The following FAM184B variants were observed in gnomAD, a reference collection of about 807,000 sequenced individuals.
FAM184B encodes protein FAM184B.
A neutral mutation model predicts 135.9 loss-of-function variants in FAM184B; 111 were observed. The ratio of observed to expected loss-of-function variants is 0.82; its 90% confidence interval spans 0.70 to 0.96. FAM184B has a LOEUF of 0.96. Among genes scored for constraint, FAM184B ranks in the 40% least tolerant of loss-of-function variants. The probability of loss-of-function intolerance (pLI) is 0.00; values close to 1 mark genes in which losing one functional copy is unlikely to be tolerated. For missense variants in FAM184B, 1,375 were observed against 1,323.9 expected (o/e 1.04, Z -0.60); for synonymous variants, 552 against 524.8 (o/e 1.05, Z -0.71).
In FAM184B at chr4:17,719,157, C is replaced by T. The variant is rs114256737; in HGVS notation, c.142-9513G>A. 6.3e-3 allele frequency among the ~76,000 whole-genome samples: 959 copies of T among 152,304 alleles called. 12 individuals carry two copies. The highest frequency in any genetic ancestry group is 0.021 in the African/African-American group (890 of 41,550). ...AAAATAGAACACTTATAACAATGTA[C>T]TAGCATCACTGCTCTTGAGCTTTGG... On this transcript the variant is annotated intron_variant, in intron 1 of 17. Transcript: ENST00000265018.
At chr4:17,668,327 T>C (rs1181150911) in intron 7 of FAM184B, among the ~76,000 whole-genome samples, 1 of 152,236 alleles carries the variant, frequency 6.6e-6, no homozygotes, top group Non-Finnish European at 1.5e-5. Flanking sequence ...TCTCATATCC[T>C]ATATCATTCT....
intron 1 of FAM184B, among the ~76,000 whole-genome samples, chr4:17,747,874 TTG>T (rs1280130696): frequency 7.6e-6 from 1 of 131,654 alleles, no homozygotes; most frequent in African/African-American, 2.9e-5. Context: ...TGAGCCGAGA[TTG>T]CGCCACTGCA....
At chr4:17,774,371 GACAA>G (rs113601675) in intron 1 of FAM184B, among the ~76,000 whole-genome samples, 11,750 of 151,934 alleles carry the variant, frequency 0.077, 943 homozygotes, top group African/African-American at 0.21. Context: ...CTGTCTCAAA[GACAA>G]ACAAACAAAC....
intron 14 of FAM184B, among the ~76,000 whole-genome samples, chr4:17,637,213 G>A (rs1401877335): frequency 6.6e-6 from 1 of 152,194 alleles, no homozygotes; most frequent in Non-Finnish European, 1.5e-5. Flanking sequence ...ATTTTTAGAG[G>A]AGACGGGGTT....
chr4:17,668,945 T>C (rs1413650460), intron 7 of FAM184B, among the ~76,000 whole-genome samples: 1 of 152,258 alleles, frequency 6.6e-6, no homozygotes, highest in Non-Finnish European at 1.5e-5. Context: ...TGCCTTGTAC[T>C]GTTATAGGAG....
chr4:17,658,835 G>A (rs976510858), intron 9 of FAM184B, among the ~76,000 whole-genome samples: 4 of 152,074 alleles, frequency 2.6e-5, no homozygotes, highest in African/African-American at 2.4e-5. Flanking sequence ...AGGGACCCAC[G>A]TGGCAGCCCC....
intron 1 of FAM184B, among the ~76,000 whole-genome samples, chr4:17,775,274 C>T (rs556333703): frequency 6.6e-6 from 1 of 152,230 alleles, no homozygotes; most frequent in East Asian, 1.9e-4. Context: ...CAACTTCTGC[C>T]TCTTGGGTTC....
At chr4:17,700,300 C>A (rs1056698475) in intron 5 of FAM184B, among the ~76,000 whole-genome samples, 5 of 152,170 alleles carry the variant, frequency 3.3e-5, no homozygotes, top group Admixed American at 1.3e-4. Context: ...AATAGAAAGA[C>A]ACAGGTTAAA....
intron 3 of FAM184B, among the ~76,000 whole-genome samples, chr4:17,707,142 G>A (rs950932545): frequency 6.6e-6 from 1 of 151,890 alleles, no homozygotes; most frequent in Non-Finnish European, 1.5e-5. Flanking sequence ...TCACTATGTT[G>A]CCCAGGCTGG....
Position 17,629,630 on chromosome 4 carries a change from T to A in FAM184B, c.*2902A>T, listed in dbSNP as rs6449317. 1 of 152,058 alleles carries A rather than the reference T, an allele frequency of 6.6e-6. No homozygotes were observed. Among genetic ancestry groups the A allele is most frequent in the Non-Finnish European group, 1.5e-5 (1 of 68,014 alleles). 9.4% of individuals were successfully genotyped at this position (152,058 alleles called of 1,614,324 possible). On this transcript the variant is annotated 3_prime_UTR_variant, in exon 18 of 18. Transcript: ENST00000265018. ...AATACAGCCTGAAGAGATTTACCAT[T>A]AAATACTGTTTTTTTCTCTCTCTTA...
chr4:17,708,504 GT>G (rs1054813709), intron 2 of FAM184B, among the ~76,000 whole-genome samples: 11 of 151,050 alleles, frequency 7.3e-5, no homozygotes, highest in Non-Finnish European at 1.3e-4. Flanking sequence ...AATTAGCTGG[GT>G]ATGGTGGTGG....
At chr4:17,700,275 C>G (rs1380474940) in intron 5 of FAM184B, among the ~76,000 whole-genome samples, 1 of 152,016 alleles carries the variant, frequency 6.6e-6, no homozygotes, top group Non-Finnish European at 1.5e-5. Context: ...CCAAGTATAC[C>G]ACAAAAGCAC....
At chr4:17,651,662 A>T (rs6835077) in intron 11 of FAM184B, among the ~76,000 whole-genome samples, 104,892 of 151,874 alleles carry the variant, frequency 0.69, 36,770 homozygotes, top group East Asian at 0.93. Flanking sequence ...CATTTACTCA[A>T]GTAATTGTCA....
In FAM184B at chr4:17,692,213, G is replaced by A. The variant is rs116749289; in HGVS notation, c.1488+1089C>T. Among the ~76,000 whole-genome samples, 901 of 152,146 alleles carry A rather than the reference G, an allele frequency of 5.9e-3. 7 individuals are homozygous for A. Among genetic ancestry groups the A allele is most frequent in the African/African-American group, 0.021 (870 of 41,498 alleles). On this transcript the variant is annotated intron_variant, in intron 6 of 17. Transcript: ENST00000265018. ...GGAGGGAGAAGTGAAGGAGGAGGGA[G>A]TGAGGGAAAGGCAGAAGGAAGGGAG...
intron 16 of FAM184B, among the ~76,000 whole-genome samples, chr4:17,634,262 A>T (rs1370640845): frequency 6.6e-6 from 1 of 152,188 alleles, no homozygotes; most frequent in Non-Finnish European, 1.5e-5. Flanking sequence ...GGGATACATA[A>T]AAACTACACG....
chr4:17,666,469 C>CTGTTTTTTT (rs1716051039), intron 7 of FAM184B, among the ~76,000 whole-genome samples: 1 of 57,162 alleles, frequency 1.7e-5, no homozygotes, highest in Non-Finnish European at 2.9e-5. Context: ...GTGCCTGGTT[C>CTGTTTTTTT]TTTTTTTTTT....
intron 1 of FAM184B, among the ~76,000 whole-genome samples, chr4:17,712,913 G>T (rs1244768461): frequency 6.6e-6 from 1 of 152,122 alleles, no homozygotes; most frequent in East Asian, 1.9e-4. Context: ...AATCATCATC[G>T]ACGGCCAGAT....
At chr4:17,724,741 C>A (rs1717604990) in intron 1 of FAM184B, among the ~76,000 whole-genome samples, 1 of 152,174 alleles carries the variant, frequency 6.6e-6, no homozygotes, top group South Asian at 2.1e-4. Flanking sequence ...TCGCATAAAG[C>A]TCTTCTGAGA....
intron 6 of FAM184B, among the ~76,000 whole-genome samples, chr4:17,689,517 G>A (rs2108956767): frequency 6.6e-6 from 1 of 152,244 alleles, no homozygotes; most frequent in African/African-American, 2.4e-5. Context: ...GTCATTTTAT[G>A]AGGGAGATAG....
Sources: allele counts gnomAD v4.1 joint callset (sites outside exome capture counted in the v4.1 genomes callset), GRCh38; gene constraint gnomAD v4.1.1; transcripts MANE v1.5; gene names NCBI Gene and HGNC (gene_info 2026-07-23, HGNC 2026-07-21).